Variants in MAP2 observed in about 807,000 individuals in gnomAD.
MAP2 encodes the protein microtubule-associated protein 2.
MAP2 carries 14 observed loss-of-function variants against 137.6 expected under a neutral mutation model. The ratio of observed to expected loss-of-function variants is 0.10; its 90% CI spans 0.07 to 0.16. MAP2 has a LOEUF of 0.16. Among genes scored for constraint, MAP2 ranks in the 10% least tolerant of loss-of-function variants. The pLI is 1.00. For synonymous variants in MAP2, 786 were observed against 782.3 expected, an observed-to-expected ratio of 1.00 and a Z score of -0.08; for missense variants, 2,088 against 2,191.5, an observed-to-expected ratio of 0.95 and a Z score of 0.94.
chr2:209,483,412 A>G (rs892010474), intron 1 of MAP2, among the ~76,000 whole-genome samples: 3 of 152,202 alleles, frequency 2.0e-5, no homozygotes, highest in African/African-American at 4.8e-5. Flanking sequence ...TGTCTCTAGA[A>G]AAATAAAACA....
chr2:209,529,993 A>G (rs1212805149), intron 2 of MAP2, among the ~76,000 whole-genome samples: 2 of 143,502 alleles, frequency 1.4e-5, no homozygotes, highest in African/African-American at 5.2e-5. Context: ...AATTTTGACC[A>G]CATGGGGAAG....
intron 1 of MAP2, among the ~76,000 whole-genome samples, chr2:209,435,693 A>G (rs1268618560): frequency 3.3e-5 from 5 of 151,504 alleles, no homozygotes; most frequent in African/African-American, 7.3e-5. Flanking sequence ...GAATTTCTAC[A>G]TATGGTGTAG....
chr2:209,581,546 T>C (rs1474081604), intron 3 of MAP2, among the ~76,000 whole-genome samples: 4 of 152,176 alleles, frequency 2.6e-5, no homozygotes, highest in African/African-American at 9.7e-5. Context: ...CCATTCTCTC[T>C]TTTTAGATTT....
chr2:209,447,129 G>C (rs1699257692), intron 1 of MAP2, among the ~76,000 whole-genome samples: 2 of 151,990 alleles, frequency 1.3e-5, no homozygotes, highest in African/African-American at 4.8e-5. Flanking sequence ...CTTCCAGACA[G>C]AAGTTCTACA....
chr2:209,428,533 C>T (rs1693224463), intron 1 of MAP2, among the ~76,000 whole-genome samples: 1 of 151,626 alleles, frequency 6.6e-6, no homozygotes, highest in Non-Finnish European at 1.5e-5. Context: ...TCCTTTCTTT[C>T]AGTTTGTATT....
intron 2 of MAP2, among the ~76,000 whole-genome samples, chr2:209,532,954 C>T (rs2065353358): frequency 6.6e-6 from 1 of 152,052 alleles, no homozygotes; most frequent in Non-Finnish European, 1.5e-5. Context: ...CCTCCCTGCT[C>T]CCCTGACAGA....
At chr2:209,494,232 A>G (rs1344874612) in intron 1 of MAP2, among the ~76,000 whole-genome samples, 1 of 152,078 alleles carries the variant, frequency 6.6e-6, no homozygotes, top group Non-Finnish European at 1.5e-5. Flanking sequence ...GAGTTGAACA[A>G]TGAGAACATG....
chr2:209,728,633 C>T (rs546410834), intron 14 of MAP2, among the ~76,000 whole-genome samples: 1 of 152,174 alleles, frequency 6.6e-6, no homozygotes, highest in South Asian at 2.1e-4. Context: ...GACCGTGAAG[C>T]CTTAACAAAC....
chr2:209,547,839 A>G (rs1383343376), intron 2 of MAP2, among the ~76,000 whole-genome samples: 2 of 152,192 alleles, frequency 1.3e-5, no homozygotes, highest in African/African-American at 4.8e-5. Flanking sequence ...ATGTGTTTCC[A>G]TTGCATAGAA....
At chr2:209,508,575 C>G (rs2061352987) in intron 2 of MAP2, among the ~76,000 whole-genome samples, 2 of 89,716 alleles carry the variant, frequency 2.2e-5, no homozygotes, top group Admixed American at 1.4e-4. Flanking sequence ...CAGACACACT[C>G]TCTCTGTCCC....
At chr2:209,556,974 A>T (rs2070836137) in intron 2 of MAP2, among the ~76,000 whole-genome samples, 1 of 152,100 alleles carries the variant, frequency 6.6e-6, no homozygotes, top group South Asian at 2.1e-4. Context: ...TATTATTATA[A>T]TTATACATTA....
At chr2:209,545,346 A>G (rs1483710615) in intron 2 of MAP2, among the ~76,000 whole-genome samples, 1 of 152,216 alleles carries the variant, frequency 6.6e-6, no homozygotes, top group African/African-American at 2.4e-5. Context: ...CCTAGCCTGC[A>G]CTATTGGGTC....
Position 209,539,134 on chromosome 2 carries a change from G to A in MAP2, c.-172+31493G>A, listed in dbSNP as rs1184116869. Among the ~76,000 whole-genome samples the A allele has an allele frequency of 6.6e-5, 10 of 152,166 alleles. No homozygotes were observed. The East Asian group carries it at 1.5e-3, about 23-fold the overall frequency. ...TTTTCTTTAAACCTTGTGTTTATTT[G>A]ACCTGCTGATCCTGCAATTGTCCAG... On this transcript the variant is annotated intron_variant, in intron 2 of 15. Transcript: ENST00000682079.
intron 4 of MAP2, among the ~76,000 whole-genome samples, chr2:209,652,418 C>CT (rs2094866073): frequency 6.6e-6 from 1 of 152,058 alleles, no homozygotes; most frequent in Admixed American, 6.6e-5. Context: ...TCCTCTTAGT[C>CT]TATAGATAGG....
chr2:209,444,969 C>T (rs1341213375), intron 1 of MAP2, among the ~76,000 whole-genome samples: 1 of 151,322 alleles, frequency 6.6e-6, no homozygotes, highest in Non-Finnish European at 1.5e-5. Flanking sequence ...CTCTTACAGA[C>T]ATGGTTTTTT....
chr2:209,600,831 A>G (rs1442444209), intron 3 of MAP2, among the ~76,000 whole-genome samples: 2 of 152,234 alleles, frequency 1.3e-5, no homozygotes, highest in African/African-American at 2.4e-5. Context: ...CTTCTTCTCT[A>G]TAGGAGTAAT....
intron 3 of MAP2, among the ~76,000 whole-genome samples, chr2:209,620,732 A>G (rs529946500): frequency 7.2e-5 from 11 of 152,332 alleles, no homozygotes; most frequent in East Asian, 3.9e-4. Context: ...TCAGTCTTCA[A>G]TAGCTAAAAT....
At position 209,692,931 on chromosome 2, in the gene MAP2, A is replaced by ATTT. The variant is rs746913782; in HGVS notation, c.761_762insTTT (p.Lys254delinsAsnLeu). The ATTT allele has an allele frequency of 1.9e-6, 3 of 1,614,056 alleles. No individual in the cohort carries two copies. Among genetic ancestry groups the ATTT allele is most frequent in the Non-Finnish European group, 2.5e-6 (3 of 1,179,962 alleles). ...GTAGTACCTGGCATTGACCTCCCTA[A>ATTT]AGAGCCTCCAACTCCAAAAGAACAA... On this transcript the variant is annotated protein_altering_variant, in exon 8 of 16. Transcript: ENST00000682079.
intron 13 of MAP2, among the ~76,000 whole-genome samples, chr2:209,712,031 G>T (rs543326477): frequency 6.6e-6 from 1 of 152,060 alleles, no homozygotes; most frequent in Non-Finnish European, 1.5e-5. Flanking sequence ...AAAGAGAAAA[G>T]TATTATTTTA....
Sources: allele counts gnomAD v4.1 joint callset (sites outside exome capture counted in the v4.1 genomes callset), GRCh38; gene constraint gnomAD v4.1.1; transcripts MANE v1.5; gene names NCBI Gene and HGNC (gene_info 2026-07-23, HGNC 2026-07-21).